Variants in ATR observed in about 807,000 individuals in gnomAD.
ATR encodes ATR checkpoint kinase.
A neutral mutation model predicts 305.3 loss-of-function variants in ATR; 142 were observed. That is an observed-to-expected ratio of 0.47 (90% CI 0.41 to 0.53). The LOEUF (loss-of-function observed/expected upper bound fraction) is 0.53, where lower values mean the gene tolerates loss of function less well. Ranked by LOEUF, ATR falls within the 20% of genes least tolerant of loss-of-function variation. ATR has a pLI of 0.00. For synonymous variants in ATR, 1,050 were observed against 1,068.1 expected (o/e 0.98, Z 0.33); for missense variants, 2,135 against 3,133.1 (o/e 0.68, Z 7.60).
At chr3:142,523,085 C>G (rs1459060569) in intron 22 of ATR, among the ~76,000 whole-genome samples, 1 of 152,088 alleles carries the variant, frequency 6.6e-6, no homozygotes, top group Non-Finnish European at 1.5e-5. Flanking sequence ...TCAACTTTTG[C>G]ATATCTCTGA....
intron 24 of ATR, among the ~76,000 whole-genome samples, chr3:142,519,459 G>T (rs1203470005): frequency 6.6e-6 from 1 of 151,812 alleles, no homozygotes; most frequent in Non-Finnish European, 1.5e-5. Flanking sequence ...GCACCACCAC[G>T]CCCGGCTAAT....
At chr3:142,501,994 G>A (rs758328133) in intron 30 of ATR, among the ~76,000 whole-genome samples, 2 of 152,084 alleles carry the variant, frequency 1.3e-5, no homozygotes, top group Admixed American at 6.5e-5. Context: ...TGATACACCC[G>A]CCTTGGCCTC....
At chr3:142,544,316 G>A (rs1402843785) in intron 16 of ATR, among the ~76,000 whole-genome samples, 1 of 151,392 alleles carries the variant, frequency 6.6e-6, no homozygotes, top group Non-Finnish European at 1.5e-5. Flanking sequence ...GCCAAGCATG[G>A]TGGCATGCAC....
At position 142,550,222 on chromosome 3, in the gene ATR, T is replaced by C. The variant is rs763768484; in HGVS notation, c.2886A>G (p.Gln962=). The C allele has an allele frequency of 6.2e-7, 1 of 1,614,204 alleles. No individual in the cohort carries two copies. Among genetic ancestry groups the C allele is most frequent in the Admixed American group, 1.7e-5 (1 of 60,020 alleles). ...CCATTTCTCTCTGGTGAGCCACATCTTGTTTTCGCACGTCAGCATTCTGGC... is the reference window on the plus strand; with the variant it reads ...CCATTTCTCTCTGGTGAGCCACATCCTGTTTTCGCACGTCAGCATTCTGGC... ...TPCQNADVRK[Q]DVAHQREMAL... Residue 962 remains glutamine, a synonymous_variant, in exon 14 of 47, where the codon CAA becomes CAG. Coordinates refer to ENST00000350721, the MANE Select transcript of ATR (RefSeq NM_001184.4).
rs541285423 is a variant in ATR, at chr3:142,538,721, A to C, written c.3582-96T>G. 8.9e-6 allele frequency: 13 copies of C among 1,459,302 alleles called. No homozygotes were observed. In the East Asian group the frequency reaches 2.6e-4, roughly 30 times the overall value. 90.4% of individuals were successfully genotyped at this position (1,459,302 alleles called of 1,614,324 possible). Reference sequence around the variant, plus strand: ...TTAGTTGAAGACACATGATATATACAAACAATAGATTAAAAGGCAGCTTTA... The same window carrying C: ...TTAGTTGAAGACACATGATATATACCAACAATAGATTAAAAGGCAGCTTTA... On this transcript the variant is annotated intron_variant, in intron 18 of 46. Coordinates refer to ENST00000350721, the MANE Select transcript of ATR (RefSeq NM_001184.4).
chr3:142,536,216 G>A lies in ATR; in HGVS notation c.3726-15C>T. On this transcript the variant is annotated splice_polypyrimidine_tract_variant and intron_variant, in intron 19 of 46. Coordinates refer to ENST00000350721, the MANE Select transcript of ATR (RefSeq NM_001184.4). ...GCACAGCATCCCTAATAGTTAGTTG[G>A]AATAAAAAGAATTATTTGCCAAGAA... 6 of 1,496,406 alleles carry A rather than the reference G, an allele frequency of 4.0e-6. No individual in the cohort carries two copies. The highest frequency in any genetic ancestry group is 5.6e-6 in the Non-Finnish European group (6 of 1,075,648). The allele number at this position is 1,496,406 out of a possible 1,614,324, so 92.7% of individuals were successfully genotyped here.
intron 45 of ATR, among the ~76,000 whole-genome samples, chr3:142,455,685 T>C (rs1257766090): frequency 6.6e-6 from 1 of 152,166 alleles, no homozygotes; most frequent in Non-Finnish European, 1.5e-5. Flanking sequence ...GATATGCACA[T>C]GCAAAAAAAT....
At chr3:142,511,701 T>C (rs1283490067) in intron 27 of ATR, among the ~76,000 whole-genome samples, 4 of 152,012 alleles carry the variant, frequency 2.6e-5, no homozygotes, top group Admixed American at 6.6e-5. Context: ...CCCCATTTTA[T>C]ACAAAGAAAA....
intron 46 of ATR, chr3:142,450,474 G>A (rs2070764295): frequency 3.1e-6 from 5 of 1,601,540 alleles, no homozygotes; most frequent in Non-Finnish European, 4.3e-6. Context: ...ACTTAATGAG[G>A]TCCACTAAAG....
At chr3:142,533,721 ATACT>A (rs2033749749) in intron 21 of ATR, among the ~76,000 whole-genome samples, 2 of 152,122 alleles carry the variant, frequency 1.3e-5, no homozygotes, top group Non-Finnish European at 2.9e-5. Context: ...ACTACATTAA[ATACT>A]TACTTTAAAA....
chr3:142,469,718 A>T (rs2108280159), intron 37 of ATR, 149 bp from the exon 38 acceptor site: 1 of 692,734 alleles, frequency 1.4e-6, no homozygotes, highest in East Asian at 2.7e-5. Flanking sequence ...CAATTTGTGA[A>T]AAGATAGTTG....
At chr3:142,495,712 C>A (rs1353431440) in intron 34 of ATR, among the ~76,000 whole-genome samples, 3 of 151,526 alleles carry the variant, frequency 2.0e-5, no homozygotes, top group Non-Finnish European at 2.9e-5. Flanking sequence ...CCACTGCACT[C>A]CAGCCTGGGC....
intron 7 of ATR, 133 bp downstream of exon 7, chr3:142,559,118 T>C (rs1227334942): frequency 1.0e-6 from 1 of 971,822 alleles, no homozygotes; most frequent in Non-Finnish European, 1.5e-6. Context: ...TTGACAAATT[T>C]AATAGAACTG....
In ATR at chr3:142,449,347, A is replaced by C. The variant is rs1577482535; in HGVS notation, c.*82T>G. The C allele has an allele frequency of 8.3e-6, 11 of 1,321,814 alleles. No homozygotes were observed. Among genetic ancestry groups the C allele is most frequent in the East Asian group, 4.7e-5 (2 of 42,784 alleles). The allele number at this position is 1,321,814 out of a possible 1,614,324, so 81.9% of individuals were successfully genotyped here. A position where few individuals can be genotyped will look rare whatever the true frequency, so the allele number is the denominator to read the frequency against. On this transcript the variant is annotated 3_prime_UTR_variant, in exon 47 of 47. Transcript: ENST00000350721. ...AGAACGTAAATTTATGTTGTACTTTAGAATTGAACAGATACAACCACAGAT... is the reference window on the plus strand; with the variant it reads ...AGAACGTAAATTTATGTTGTACTTTCGAATTGAACAGATACAACCACAGAT...
At chr3:142,539,170 T>C (rs1244156610) in intron 18 of ATR, among the ~76,000 whole-genome samples, 1 of 152,128 alleles carries the variant, frequency 6.6e-6, no homozygotes, top group Non-Finnish European at 1.5e-5. Flanking sequence ...TTATAAAAAT[T>C]TTCTAGTAGC....
At chr3:142,568,325 G>GA (rs71946632) in intron 1 of ATR, among the ~76,000 whole-genome samples, 171 bp from the exon 2 acceptor site, 2 of 152,044 alleles carry the variant, frequency 1.3e-5, no homozygotes, top group Non-Finnish European at 2.9e-5. Context: ...CAACTTACAA[G>GA]AAAAAAAAGA....
At chr3:142,515,251 T>C in intron 25 of ATR, 144 bp downstream of exon 25, 3 of 1,079,178 alleles carry the variant, frequency 2.8e-6, no homozygotes, top group Non-Finnish European at 4.0e-6. Context: ...TATTATTCTC[T>C]ATTAGTTAAC....
chr3:142,452,978 T>C (rs1577488255), intron 46 of ATR, 150 bp downstream of exon 46: 4 of 1,510,538 alleles, frequency 2.6e-6, no homozygotes, highest in Non-Finnish European at 3.5e-6. Context: ...GGCATTGTGA[T>C]ACTAGAGAAC....
chr3:142,542,392 T>C (rs368679669), intron 17 of ATR, among the ~76,000 whole-genome samples: 3 of 152,332 alleles, frequency 2.0e-5, no homozygotes, highest in East Asian at 3.9e-4. Flanking sequence ...AATCAAGTTA[T>C]GCCTAAAGCT....
Sources: gnomAD v4.1 joint callset for allele counts (sites outside exome capture counted in the v4.1 genomes callset) on GRCh38, gnomAD v4.1.1 for gene constraint, MANE v1.5 for transcripts, NCBI Gene and HGNC (gene_info 2026-07-23, HGNC 2026-07-21) for gene names.